Variants in PALM2AKAP2 observed in about 807,000 individuals in gnomAD.
PALM2AKAP2 encodes PALM2 and AKAP2 fusion, also known as PALM2-AKAP2 fusion protein.
A neutral mutation model predicts 71.5 loss-of-function variants in PALM2AKAP2; 37 were observed. That is an observed-to-expected ratio of 0.52 (90% CI 0.40 to 0.68). The LOEUF is 0.68. Among genes scored for constraint, PALM2AKAP2 ranks in the 30% least tolerant of loss-of-function variants. The pLI, the probability that PALM2AKAP2 is intolerant of heterozygous loss-of-function variation, is 0.00. For synonymous variants in PALM2AKAP2, 468 were observed against 478.8 expected (o/e 0.98, Z 0.29); for missense variants, 1,224 against 1,191.8 (o/e 1.03, Z -0.40).
chr9:109,967,455 G>A (rs1160149122), intron 6 of PALM2AKAP2, among the ~76,000 whole-genome samples: 1 of 151,478 alleles, frequency 6.6e-6, no homozygotes, highest in Admixed American at 6.6e-5. Context: ...TGTTGCCCAG[G>A]CTAGAGTGCA....
intron 7 of PALM2AKAP2, among the ~76,000 whole-genome samples, chr9:110,024,471 C>G (rs759092885): frequency 1.4e-4 from 21 of 151,752 alleles, no homozygotes; most frequent in Non-Finnish European, 2.8e-4. Context: ...CTTTTTAATG[C>G]TGAATAATAT....
Position 109,966,128 on chromosome 9 carries a change from C to G in PALM2AKAP2, c.496+34100C>G, listed in dbSNP as rs73657316. ...TTAGGTGCCAGGCAGAGCAGAGGCA[C>G]TAAAACTATCTGGGCAGGGAGGATG... is the stretch of plus-strand genomic sequence containing the variant. On this transcript the variant is annotated intron_variant, in intron 6 of 9. Transcript: ENST00000302798. Among the ~76,000 whole-genome samples, 476 of 152,228 alleles carry G rather than the reference C, an allele frequency of 3.1e-3. 3 individuals carry two copies. The highest frequency in any genetic ancestry group is 0.011 in the African/African-American group (446 of 41,536).
At chr9:110,015,609 T>C (rs1341512799) in intron 6 of PALM2AKAP2, among the ~76,000 whole-genome samples, 2 of 151,920 alleles carry the variant, frequency 1.3e-5, no homozygotes, top group Non-Finnish European at 2.9e-5. Context: ...TTGGTCTCAA[T>C]AAATAAATAA....
chr9:109,942,436 T>G (rs1831393483), intron 6 of PALM2AKAP2, among the ~76,000 whole-genome samples: 1 of 152,210 alleles, frequency 6.6e-6, no homozygotes, highest in Non-Finnish European at 1.5e-5. Context: ...TTAGCAGATC[T>G]TCCTTAAATG....
chr9:109,697,641 T>A (rs1022743614), intron 1 of PALM2AKAP2, among the ~76,000 whole-genome samples: 17 of 152,178 alleles, frequency 1.1e-4, no homozygotes, highest in African/African-American at 3.4e-4. Context: ...AAATTACATT[T>A]AAAAAAATTA....
intron 6 of PALM2AKAP2, among the ~76,000 whole-genome samples, chr9:109,973,327 C>T (rs4978867): frequency 0.13 from 19,554 of 152,236 alleles, 1,610 homozygotes; most frequent in East Asian, 0.25. Flanking sequence ...GCTGTTGCAA[C>T]AGGCAACCCC....
chr9:109,840,280 TAATA>T lies in PALM2AKAP2; in HGVS notation c.46-27207_46-27204del, dbSNP rs1441244049. The stretch of plus-strand genomic sequence containing the variant: ...AGAAATGGGGAAAGGATTCCCTATT[TAATA>T]AATGATGCTGGGAAAACTGGCTAGC... On this transcript the variant is annotated intron_variant, in intron 1 of 9. Coordinates refer to the PALM2AKAP2 transcript ENST00000302798. Among the ~76,000 whole-genome samples the T allele has an allele frequency of 2.6e-5, 4 of 152,200 alleles. No individual in the cohort carries two copies. In the East Asian group the frequency reaches 7.7e-4, roughly 29 times the overall value.
At chr9:109,931,641 G>A (rs529490265) in intron 5 of PALM2AKAP2, among the ~76,000 whole-genome samples, 13 of 152,046 alleles carry the variant, frequency 8.6e-5, no homozygotes, top group East Asian at 7.7e-4. Flanking sequence ...TCTTCCCCCC[G>A]TCCCTGAACT....
At chr9:109,940,629 G>C (rs117927472) in intron 6 of PALM2AKAP2, among the ~76,000 whole-genome samples, 2,851 of 152,188 alleles carry the variant, frequency 0.019, 51 homozygotes, top group Non-Finnish European at 0.026. Flanking sequence ...ACAATGACAA[G>C]CAGATGGGCT....
intron 1 of PALM2AKAP2, among the ~76,000 whole-genome samples, chr9:110,105,612 T>G (rs897280589): frequency 4.6e-5 from 7 of 152,210 alleles, no homozygotes; most frequent in Non-Finnish European, 1.0e-4. Flanking sequence ...CCCCTGATAT[T>G]TGACCCTATT....
chr9:109,653,354 C>T (rs1199908414), intron 1 of PALM2AKAP2, among the ~76,000 whole-genome samples: 4 of 152,182 alleles, frequency 2.6e-5, no homozygotes, highest in Non-Finnish European at 4.4e-5. Context: ...GTTTTAGTCA[C>T]GTTTGCTGAG....
At chr9:109,662,856 G>C (rs1420024992) in intron 1 of PALM2AKAP2, among the ~76,000 whole-genome samples, 4 of 152,068 alleles carry the variant, frequency 2.6e-5, no homozygotes, top group Non-Finnish European at 5.9e-5. Context: ...GCCTGTTATT[G>C]GTCTATTCAA....
In PALM2AKAP2 at chr9:109,962,736, G is replaced by A. The variant is rs192369361; in HGVS notation, c.496+30708G>A. On this transcript the variant is annotated intron_variant, in intron 6 of 9. Coordinates refer to the PALM2AKAP2 transcript ENST00000302798. ...CGGCTCACTGCAACCTCCGCCTCCCGGGTTCAAGCGATTCTCCTGCCTCAG... is the reference window on the plus strand; with the variant it reads ...CGGCTCACTGCAACCTCCGCCTCCCAGGTTCAAGCGATTCTCCTGCCTCAG... Among the ~76,000 whole-genome samples, 397 of 151,392 alleles carry A rather than the reference G, an allele frequency of 2.6e-3. 2 individuals are homozygous for A. The highest frequency in any genetic ancestry group is 9.2e-3 in the African/African-American group (380 of 41,184).
At chr9:109,887,926 C>T (rs985073277) in intron 3 of PALM2AKAP2, among the ~76,000 whole-genome samples, 15 of 152,194 alleles carry the variant, frequency 9.9e-5, no homozygotes, top group African/African-American at 3.6e-4. Context: ...TCTCCCTCCT[C>T]AACCTCCACA....
intron 1 of PALM2AKAP2, among the ~76,000 whole-genome samples, chr9:109,710,741 T>G (rs1218958517): frequency 6.6e-6 from 1 of 152,196 alleles, no homozygotes; most frequent in African/African-American, 2.4e-5. Flanking sequence ...GTATTAGTGT[T>G]GCAGGAGCAA....
chr9:109,888,711 C>CA (rs34495775), intron 3 of PALM2AKAP2, among the ~76,000 whole-genome samples: 75,200 of 98,886 alleles, frequency 0.76, 28,300 homozygotes, highest in Admixed American at 0.8. Flanking sequence ...ATTTTGCCTC[C>CA]AAAAAAAAAA....
intron 2 of PALM2AKAP2, among the ~76,000 whole-genome samples, chr9:109,879,699 G>GTTT (rs369185975): frequency 7.4e-6 from 1 of 135,054 alleles, no homozygotes; most frequent in Non-Finnish European, 1.6e-5. Context: ...GGGATGTATG[G>GTTT]TTTTTTTTTT....
intron 1 of PALM2AKAP2, among the ~76,000 whole-genome samples, chr9:109,685,674 AT>A (rs895688719): frequency 1.6e-4 from 24 of 148,592 alleles, no homozygotes; most frequent in Middle Eastern, 3.4e-3. Flanking sequence ...AGTGAATTAT[AT>A]TTTTTTTTTG....
intron 1 of PALM2AKAP2, among the ~76,000 whole-genome samples, chr9:110,060,534 C>A (rs542713601): frequency 1.3e-5 from 2 of 152,306 alleles, no homozygotes; most frequent in African/African-American, 4.8e-5. Context: ...TGGGTGACAA[C>A]TGGTGCTGAG....
Sources: allele counts gnomAD v4.1 joint callset (sites outside exome capture counted in the v4.1 genomes callset), GRCh38; gene constraint gnomAD v4.1.1; transcripts MANE v1.5; gene names NCBI Gene and HGNC (gene_info 2026-07-23, HGNC 2026-07-21).